Variants in KIRREL3 observed in about 807,000 individuals in gnomAD.
KIRREL3 encodes kirre like nephrin family adhesion molecule 3.
Under a neutral mutation model 89.7 loss-of-function variants are expected in KIRREL3, and 36 were observed. The ratio of observed to expected loss-of-function variants is 0.40; its 90% confidence interval spans 0.31 to 0.53. KIRREL3 has a LOEUF of 0.53. KIRREL3 is among the 20% of genes least tolerant of loss of function. The pLI is 0.49. For synonymous variants in KIRREL3, 445 were observed against 441.4 expected (o/e 1.01, Z -0.10); for missense variants, 864 against 1,056.6 (o/e 0.82, Z 2.53).
intron 4 of KIRREL3, among the ~76,000 whole-genome samples, chr11:126,494,994 T>C (rs1265256901): frequency 6.6e-6 from 1 of 152,162 alleles, no homozygotes; most frequent in Non-Finnish European, 1.5e-5. Context: ...GGCTCTAAGT[T>C]GGTGTCTGGA....
chr11:126,843,033 A>T lies in KIRREL3; in HGVS notation c.55+157422T>A, dbSNP rs1269314263. 6.6e-6 allele frequency among the ~76,000 whole-genome samples: 1 copy of T among 151,416 alleles called. No homozygotes were observed. The highest frequency in any genetic ancestry group is 6.6e-5 in the Admixed American group (1 of 15,184). ...AGTTCTGAGTTCATCTGATCCCTGG[A>T]CTCCCTGCCTAACTGAACACAATCC... On this transcript the variant is annotated intron_variant, in intron 1 of 16. Coordinates refer to ENST00000525144, the MANE Select transcript of KIRREL3 (RefSeq NM_032531.4). The surrounding 1 kb of genome is among the most constrained non-coding windows in gnomAD (Gnocchi z 4.6).
intron 2 of KIRREL3, among the ~76,000 whole-genome samples, chr11:126,556,597 C>G (rs1275153318): frequency 6.6e-6 from 1 of 152,072 alleles, no homozygotes; most frequent in Non-Finnish European, 1.5e-5. Flanking sequence ...ACGATGGTAC[C>G]ACTGCACTCT....
intron 2 of KIRREL3, among the ~76,000 whole-genome samples, chr11:126,546,523 C>A (rs140016932): frequency 1.3e-5 from 2 of 152,354 alleles, no homozygotes; most frequent in East Asian, 1.9e-4. Flanking sequence ...CAGAAGCAAG[C>A]GGGCCGCTTT....
At position 126,739,484 on chromosome 11, in the gene KIRREL3, G is replaced by C. The variant is rs1253587838; in HGVS notation, c.56-176572C>G. On this transcript the variant is annotated intron_variant, in intron 1 of 16. Coordinates refer to ENST00000525144, the MANE Select transcript of KIRREL3 (RefSeq NM_032531.4). The surrounding 1 kb of genome is among the most constrained non-coding windows in gnomAD (Gnocchi z 5.5). ...TTTGCTCTGTCAGTCAGTGTGCCAG[G>C]TGCAGGTAGCGTCATGTGCCCTACC... Among the ~76,000 whole-genome samples the C allele has an allele frequency of 6.6e-6, 1 of 152,216 alleles. No individual in the cohort carries two copies. Among genetic ancestry groups the C allele is most frequent in the Non-Finnish European group, 1.5e-5 (1 of 68,038 alleles).
intron 1 of KIRREL3, among the ~76,000 whole-genome samples, chr11:126,735,415 G>A (rs983233964): frequency 1.3e-5 from 2 of 152,130 alleles, no homozygotes; most frequent in Non-Finnish European, 2.9e-5. Flanking sequence ...AGCTTCCACC[G>A]GCCCCATTTC....
intron 1 of KIRREL3, among the ~76,000 whole-genome samples, chr11:126,727,277 C>T (rs549294971): frequency 1.3e-4 from 20 of 152,382 alleles, no homozygotes; most frequent in Admixed American, 5.2e-4. Context: ...AGGCTGGCTT[C>T]GCCATCACAG....
At chr11:126,510,204 C>G (rs1958171258) in intron 4 of KIRREL3, among the ~76,000 whole-genome samples, 1 of 151,968 alleles carries the variant, frequency 6.6e-6, no homozygotes, top group Admixed American at 6.6e-5. Flanking sequence ...TGAATCTTCC[C>G]CTCTCTTGGG....
At chr11:126,577,923 G>A (rs1565565972) in intron 1 of KIRREL3, among the ~76,000 whole-genome samples, 1 of 152,126 alleles carries the variant, frequency 6.6e-6, no homozygotes, top group African/African-American at 2.4e-5. Flanking sequence ...CTCACACCCA[G>A]TGCTAAAGGA....
rs1001611004 is a variant in KIRREL3, at chr11:126,870,985, G to T, written c.55+129470C>A. ...CTCATTGCTCCAGAGAAGCAGGTCT[G>T]CCCATGCCCTGGAAGCTGGCTCAGT... is the stretch of plus-strand genomic sequence containing the variant. On this transcript the variant is annotated intron_variant, in intron 1 of 16. Transcript: ENST00000525144. This position sits in a 1 kb window ranked among gnomAD's most constrained non-coding sequence, Gnocchi z 4.4. 1.3e-5 allele frequency among the ~76,000 whole-genome samples: 2 copies of T among 152,196 alleles called. No individual in the cohort carries two copies. The highest frequency in any genetic ancestry group is 4.8e-5 in the African/African-American group (2 of 41,442).
Position 126,615,808 on chromosome 11 carries a change from C to G in KIRREL3, c.56-52896G>C, listed in dbSNP as rs939111949. On this transcript the variant is annotated intron_variant, in intron 1 of 16. Transcript: ENST00000525144. This position sits in a 1 kb window ranked among gnomAD's most constrained non-coding sequence, Gnocchi z 5.4. ...ACATAGGCTCTGGGATGGCAGTGCT[C>G]TCTCAGCAGTTATGGTCTTTTCCAG... Among the ~76,000 whole-genome samples, 1 of 152,224 alleles carries G rather than the reference C, an allele frequency of 6.6e-6. No individual in the cohort carries two copies. Among genetic ancestry groups the G allele is most frequent in the South Asian group, 2.1e-4 (1 of 4,834 alleles).
At chr11:126,725,765 C>T (rs185400617) in intron 1 of KIRREL3, among the ~76,000 whole-genome samples, 2 of 152,280 alleles carry the variant, frequency 1.3e-5, no homozygotes, top group East Asian at 3.9e-4. Flanking sequence ...CCAGTCTGCA[C>T]AAAGGCAGGG....
chr11:126,831,370 GCCTCTCTCTGTCTCTCTT>G (rs1943599545), intron 1 of KIRREL3, among the ~76,000 whole-genome samples: 1 of 151,668 alleles, frequency 6.6e-6, no homozygotes, highest in Non-Finnish European at 1.5e-5. Flanking sequence ...CAATCTCTCT[GCCTCTCTCTGTCTCTCTT>G]TCTCTCTCTT....
At chr11:126,910,075 A>G (rs1488698665) in intron 1 of KIRREL3, among the ~76,000 whole-genome samples, 1 of 152,176 alleles carries the variant, frequency 6.6e-6, no homozygotes, top group Non-Finnish European at 1.5e-5. Flanking sequence ...AACAAACCCA[A>G]CTTGGCCCTG....
At chr11:126,738,100 G>C (rs1180621995) in intron 1 of KIRREL3, among the ~76,000 whole-genome samples, 1 of 152,126 alleles carries the variant, frequency 6.6e-6, no homozygotes, top group Non-Finnish European at 1.5e-5. Context: ...GTTGGCCAGG[G>C]CAGGAGAATG....
At chr11:126,661,109 A>G (rs1945381636) in intron 1 of KIRREL3, among the ~76,000 whole-genome samples, 1 of 152,246 alleles carries the variant, frequency 6.6e-6, no homozygotes, top group African/African-American at 2.4e-5. Context: ...ATACTAAGAA[A>G]AAAGGAAAAT....
rs142185861 is a variant in KIRREL3 at position 126,561,929 on chromosome 11, T to C, written c.133+906A>G. ...GACCATGCTATGGGGATAGAGATGG[T>C]AGAAAGAAGCTTCCTCCTTCTTGCT... On this transcript the variant is annotated intron_variant, in intron 2 of 16. Transcript: ENST00000525144. This position sits in a 1 kb window ranked among gnomAD's most constrained non-coding sequence, Gnocchi z 4.5. 3.2e-3 allele frequency among the ~76,000 whole-genome samples: 484 copies of C among 152,078 alleles called. 1 individual carries two copies. Among genetic ancestry groups the C allele is most frequent in the African/African-American group, 0.011 (447 of 41,490 alleles).
At chr11:126,785,494 A>G (rs536063190) in intron 1 of KIRREL3, among the ~76,000 whole-genome samples, 1 of 152,200 alleles carries the variant, frequency 6.6e-6, no homozygotes, top group African/African-American at 2.4e-5. Context: ...CTTCTTTCTA[A>G]GGGGCAGGAG....
chr11:126,476,470 C>T lies in KIRREL3; in HGVS notation c.434-3004G>A, dbSNP rs762112809. ...TACTGGAATATCGGATTAGAGGCAG[C>T]GAGGACGAGGGAGGAGGGAGTGGGG... On this transcript the variant is annotated intron_variant, in intron 4 of 16. Coordinates refer to ENST00000525144, the MANE Select transcript of KIRREL3 (RefSeq NM_032531.4). This position sits in a 1 kb window ranked among gnomAD's most constrained non-coding sequence, Gnocchi z 6.4. Among the ~76,000 whole-genome samples the T allele has an allele frequency of 8.5e-5, 13 of 152,248 alleles. No individual in the cohort carries two copies. The highest frequency in any genetic ancestry group is 6.2e-4 in the South Asian group (3 of 4,824).
In KIRREL3 at chr11:126,476,330, G is replaced by A. The variant is rs900469023; in HGVS notation, c.434-2864C>T. Among the ~76,000 whole-genome samples, 1 of 152,198 alleles carries A rather than the reference G, an allele frequency of 6.6e-6. No individual in the cohort carries two copies. The highest frequency in any genetic ancestry group is 1.5e-5 in the Non-Finnish European group (1 of 68,040). On this transcript the variant is annotated intron_variant, in intron 4 of 16. Transcript: ENST00000525144. This position sits in a 1 kb window ranked among gnomAD's most constrained non-coding sequence, Gnocchi z 6.4. ...ACCAGCTTTCTGGGCTCTGGACTCT[G>A]GGCTGAGGGGCAGGAGCCTCTGCTT...
Sources: allele counts gnomAD v4.1 joint callset (sites outside exome capture counted in the v4.1 genomes callset), GRCh38; gene constraint gnomAD v4.1.1; non-coding constraint Gnocchi (gnomAD v3.1); transcripts MANE v1.5; gene names NCBI Gene and HGNC (gene_info 2026-07-23, HGNC 2026-07-21).